Variants in TASP1 observed in about 807,000 individuals in gnomAD.
TASP1 encodes the protein taspase 1.
Under a neutral mutation model 56.6 loss-of-function variants are expected in TASP1, and 16 were observed. That is an observed-to-expected ratio of 0.28 (90% CI 0.19 to 0.43). The LOEUF is 0.43. TASP1 is among the 20% of genes least tolerant of loss of function. The pLI is 1.00. For synonymous variants in TASP1, 179 were observed against 184.2 expected (o/e 0.97, Z 0.23); for missense variants, 393 against 511.6 (o/e 0.77, Z 2.24).
At chr20:13,298,109 A>G in the TASP1 span, among the ~76,000 whole-genome samples, 4 of 151,724 alleles carry the variant, frequency 2.6e-5, no homozygotes, top group Non-Finnish European at 5.9e-5. Flanking sequence ...TTATTGATTT[A>G]TTTATTTGTT....
At chr20:13,493,705 G>A (rs1043398097) in intron 10 of TASP1, among the ~76,000 whole-genome samples, 1 of 152,020 alleles carries the variant, frequency 6.6e-6, no homozygotes, top group Non-Finnish European at 1.5e-5. Flanking sequence ...CTTGTAATCA[G>A]GTAAGCCAGT....
chr20:13,384,951 C>T (rs987471128), downstream of TASP1, among the ~76,000 whole-genome samples: 13 of 152,294 alleles, frequency 8.5e-5, no homozygotes, highest in African/African-American at 3.1e-4. Flanking sequence ...CTGGGTTTTG[C>T]GGGCAGAGGG....
intron 4 of TASP1, among the ~76,000 whole-genome samples, chr20:13,605,006 ATATATATG>A (rs1183012246): frequency 4.7e-5 from 7 of 148,758 alleles, no homozygotes. Context: ...ATATATATAT[ATATATATG>A]TATTTCTTAT....
the TASP1 span, among the ~76,000 whole-genome samples, chr20:13,122,294 A>T: frequency 1.3e-5 from 2 of 152,248 alleles, no homozygotes; most frequent in Non-Finnish European, 2.9e-5. Flanking sequence ...TTGGAGACCA[A>T]TGTGACTCAA....
chr20:13,212,562 C>A, the TASP1 span, among the ~76,000 whole-genome samples: 1 of 152,114 alleles, frequency 6.6e-6, no homozygotes, highest in East Asian at 1.9e-4. Flanking sequence ...TTGTGAGTAA[C>A]CAAAACATCC....
intron 10 of TASP1, among the ~76,000 whole-genome samples, chr20:13,512,344 A>T (rs6134898): frequency 5.3e-5 from 8 of 151,504 alleles, no homozygotes; most frequent in African/African-American, 1.9e-4. Flanking sequence ...ATTTGCATTT[A>T]TCTGATAAGC....
chr20:13,266,425 C>T, the TASP1 span, among the ~76,000 whole-genome samples: 2 of 152,036 alleles, frequency 1.3e-5, no homozygotes, highest in Non-Finnish European at 2.9e-5. Flanking sequence ...GTGCATAAGC[C>T]GTTTAATAGC....
chr20:13,358,700 G>A, the TASP1 span, among the ~76,000 whole-genome samples: 1 of 103,758 alleles, frequency 9.6e-6, no homozygotes, highest in South Asian at 2.8e-4. Flanking sequence ...AGGGATGCCT[G>A]ATTATTCATC....
At chr20:13,547,206 C>A (rs1446350766) in intron 8 of TASP1, among the ~76,000 whole-genome samples, 2 of 152,190 alleles carry the variant, frequency 1.3e-5, no homozygotes, top group Non-Finnish European at 2.9e-5. Flanking sequence ...ACACCAACCT[C>A]AAAATGGCAA....
At chr20:13,311,251 A>AGATAGAT in the TASP1 span, among the ~76,000 whole-genome samples, 1,670 of 127,414 alleles carry the variant, frequency 0.013, 12 homozygotes, top group African/African-American at 0.016. Flanking sequence ...GATGATAGAT[A>AGATAGAT]GATAGATAGA....
chr20:13,424,793 A>G (rs1055111804), intron 12 of TASP1, among the ~76,000 whole-genome samples: 3 of 152,162 alleles, frequency 2.0e-5, no homozygotes, highest in African/African-American at 4.8e-5. Flanking sequence ...AAATGCCCAG[A>G]CCACGAAAAG....
chr20:13,567,921 T>C (rs551800941), intron 7 of TASP1, among the ~76,000 whole-genome samples: 5 of 152,194 alleles, frequency 3.3e-5, no homozygotes, highest in African/African-American at 1.2e-4. Context: ...AGGGGCCAGG[T>C]GGCCTGTCTC....
Position 13,528,526 on chromosome 20 carries a change from A to C in TASP1, c.796-15T>G, listed in dbSNP as rs1472977560. ...TAAAGAGCAGCCTGGGGAAAAAAGA[A>C]AATAGATATAATATTTCAGAAATAT... On this transcript the variant is annotated splice_polypyrimidine_tract_variant and intron_variant, in intron 9 of 13. Transcript: ENST00000337743. 6.3e-7 allele frequency: 1 copy of C among 1,591,994 alleles called. No homozygotes were observed. The highest frequency in any genetic ancestry group is 2.3e-5 in the East Asian group (1 of 44,346).
At chr20:13,541,910 C>A (rs892773050) in intron 8 of TASP1, among the ~76,000 whole-genome samples, 2 of 151,634 alleles carry the variant, frequency 1.3e-5, no homozygotes, top group African/African-American at 4.8e-5. Flanking sequence ...CCAGGCATGG[C>A]GGTGTGTGCC....
At chr20:13,299,255 C>A in the TASP1 span, 9 of 1,605,842 alleles carry the variant, frequency 5.6e-6, no homozygotes, top group Non-Finnish European at 7.7e-6. This position sits in a 1 kb window ranked among gnomAD's most constrained non-coding sequence, Gnocchi z 5.8. Flanking sequence ...TCACCAGGGG[C>A]AAGGGGGCGG....
At chr20:13,343,218 TC>T in the TASP1 span, among the ~76,000 whole-genome samples, 1 of 152,124 alleles carries the variant, frequency 6.6e-6, no homozygotes, top group African/African-American at 2.4e-5. Flanking sequence ...TTAAATGAGG[TC>T]CGGCAAGAGG....
chr20:13,218,793 A>G, the TASP1 span, among the ~76,000 whole-genome samples: 1 of 152,214 alleles, frequency 6.6e-6, no homozygotes, highest in African/African-American at 2.4e-5. Flanking sequence ...GGTGTTTATC[A>G]ATACTCGTTA....
chr20:13,114,765 A>G, the TASP1 span, among the ~76,000 whole-genome samples: 1 of 151,794 alleles, frequency 6.6e-6, no homozygotes, highest in Non-Finnish European at 1.5e-5. Context: ...TTTGAGTTAC[A>G]CTTTGGGCCC....
intron 4 of TASP1, among the ~76,000 whole-genome samples, chr20:13,619,277 A>C (rs1405477700): frequency 6.6e-6 from 1 of 152,186 alleles, no homozygotes; most frequent in Non-Finnish European, 1.5e-5. Flanking sequence ...ACTTTCTCAA[A>C]GGTTACAACA....
Sources: gnomAD v4.1 joint callset for allele counts (sites outside exome capture counted in the v4.1 genomes callset) on GRCh38, gnomAD v4.1.1 for gene constraint, Gnocchi (gnomAD v3.1) non-coding constraint, MANE v1.5 for transcripts, NCBI Gene and HGNC (gene_info 2026-07-23, HGNC 2026-07-21) for gene names.